The following LARGE1 variants were observed in gnomAD, a reference collection of about 807,000 sequenced individuals.
The protein encoded by LARGE1 is LARGE xylosyl- and glucuronyltransferase 1.
In LARGE1, 43 loss-of-function variants were observed where a neutral mutation model predicts 87.6. The ratio of observed to expected loss-of-function variants is 0.49; its 90% CI spans 0.38 to 0.63. The LOEUF (loss-of-function observed/expected upper bound fraction) is 0.63, where lower values mean the gene tolerates loss of function less well. Ranked by LOEUF, LARGE1 falls within the 30% of genes least tolerant of loss-of-function variation. The pLI is 0.00. For missense variants in LARGE1, 802 were observed against 1,000.2 expected (o/e 0.80, Z 2.67); for synonymous variants, 434 against 394.6 (o/e 1.10, Z -1.18).
At chr22:33,774,098 T>C (rs1043353383) in intron 1 of LARGE1, among the ~76,000 whole-genome samples, 6 of 151,426 alleles carry the variant, frequency 4.0e-5, no homozygotes, top group African/African-American at 1.5e-4. Context: ...GAGGGGCGGA[T>C]GGAAAAAAAC....
intron 1 of LARGE1, among the ~76,000 whole-genome samples, chr22:33,829,900 A>C (rs1465505566): frequency 2.0e-5 from 3 of 152,166 alleles, no homozygotes; most frequent in Non-Finnish European, 4.4e-5. Context: ...CCTAAGAAGA[A>C]ACCACCATTC....
the LARGE1 span, among the ~76,000 whole-genome samples, chr22:33,073,427 T>C: frequency 1.1e-4 from 16 of 152,316 alleles, no homozygotes; most frequent in African/African-American, 3.8e-4. Context: ...AAAGGAATTT[T>C]AAAGGAGTTT....
At chr22:33,708,794 T>C (rs1010064108) in intron 2 of LARGE1, among the ~76,000 whole-genome samples, 2 of 152,110 alleles carry the variant, frequency 1.3e-5, no homozygotes, top group South Asian at 4.1e-4. Context: ...AAAGTCGGGG[T>C]TTCACGATGT....
At chr22:33,440,635 A>G (rs2067431883) in intron 6 of LARGE1, among the ~76,000 whole-genome samples, 1 of 152,220 alleles carries the variant, frequency 6.6e-6, no homozygotes, top group South Asian at 2.1e-4. Flanking sequence ...TAAGTAGGAA[A>G]ACATATAATA....
At chr22:33,587,558 G>A (rs577035189) in intron 5 of LARGE1, among the ~76,000 whole-genome samples, 4 of 151,718 alleles carry the variant, frequency 2.6e-5, no homozygotes, top group African/African-American at 4.8e-5. Flanking sequence ...ATTTTTCTGC[G>A]AGTCTGTATT....
chr22:33,195,371 A>C (rs1416397162), intron 11 of LARGE1, among the ~76,000 whole-genome samples: 2 of 152,196 alleles, frequency 1.3e-5, no homozygotes, highest in Non-Finnish European at 2.9e-5. Context: ...CAATAATTGC[A>C]GAATACATAT....
In LARGE1 at chr22:33,690,670, GAA is replaced by G. The variant is rs10711509; in HGVS notation, c.107-40004_107-40003del. 4.5e-3 allele frequency among the ~76,000 whole-genome samples: 627 copies of G among 140,854 alleles called. 1 individual carries two copies. Among genetic ancestry groups the G allele is most frequent in the African/African-American group, 0.011 (415 of 38,092 alleles). 92.4% of individuals were successfully genotyped at this position (140,854 alleles called of 152,430 possible). On this transcript the variant is annotated intron_variant, in intron 2 of 14. Coordinates refer to ENST00000397394, the MANE Select transcript of LARGE1 (RefSeq NM_133642.5). ...AGAAGGCAAAGAGACCAGAGAAGAG[GAA>G]AAAAAAAAAAAAAGGAATGGTAAGA...
intron 1 of LARGE1, among the ~76,000 whole-genome samples, chr22:33,877,022 G>C (rs1293430500): frequency 6.6e-6 from 1 of 152,004 alleles, no homozygotes; most frequent in Non-Finnish European, 1.5e-5. Context: ...TGGTACCACT[G>C]TATTTGCAGA....
chr22:33,735,927 C>T (rs990869996), intron 2 of LARGE1, among the ~76,000 whole-genome samples: 14 of 152,296 alleles, frequency 9.2e-5, no homozygotes, highest in South Asian at 6.2e-4. Flanking sequence ...TTCCACGTAG[C>T]GTGTTTTCAA....
intron 6 of LARGE1, among the ~76,000 whole-genome samples, chr22:33,555,577 G>A (rs1379625061): frequency 6.6e-6 from 1 of 152,108 alleles, no homozygotes; most frequent in Non-Finnish European, 1.5e-5. Context: ...CAGCATTCCA[G>A]GTACAGGAAC....
At chr22:33,850,539 C>A (rs1047965990) in intron 1 of LARGE1, among the ~76,000 whole-genome samples, 1 of 152,142 alleles carries the variant, frequency 6.6e-6, no homozygotes, top group African/African-American at 2.4e-5. Context: ...ATCCAGTGTC[C>A]AGCATATAAC....
At chr22:33,556,513 A>G (rs188341132) in intron 6 of LARGE1, among the ~76,000 whole-genome samples, 2,684 of 98,068 alleles carry the variant, frequency 0.027, 70 homozygotes, top group African/African-American at 0.075. Context: ...GAAAGAAGGA[A>G]GGAAGGGAGG....
At chr22:33,778,519 G>A (rs1178155096) in intron 1 of LARGE1, among the ~76,000 whole-genome samples, 8 of 152,074 alleles carry the variant, frequency 5.3e-5, no homozygotes, top group Admixed American at 2.0e-4. Flanking sequence ...TCTGCTTTCT[G>A]CCTCTACAGA....
chr22:33,827,724 A>C (rs890939392), intron 1 of LARGE1, among the ~76,000 whole-genome samples: 4 of 146,334 alleles, frequency 2.7e-5, no homozygotes, highest in Non-Finnish European at 4.6e-5. Flanking sequence ...CCCGTCACGG[A>C]GACTGGGAAG....
At chr22:33,811,356 T>C (rs2086488027) in intron 1 of LARGE1, among the ~76,000 whole-genome samples, 7 of 152,150 alleles carry the variant, frequency 4.6e-5, no homozygotes. Flanking sequence ...ATGAACAAAC[T>C]AGGCTCCCTT....
intron 1 of LARGE1, among the ~76,000 whole-genome samples, chr22:33,864,421 A>G (rs901281171): frequency 1.3e-5 from 2 of 152,232 alleles, no homozygotes; most frequent in South Asian, 2.1e-4. Flanking sequence ...AACTTAAGAA[A>G]CCAATGCTGG....
intron 2 of LARGE1, among the ~76,000 whole-genome samples, chr22:33,760,503 C>T (rs1907863575): frequency 6.6e-6 from 1 of 152,326 alleles, no homozygotes; most frequent in South Asian, 2.1e-4. Flanking sequence ...CTTCCTCCAT[C>T]ACAACGCGCA....
intron 12 of LARGE1, among the ~76,000 whole-genome samples, chr22:33,300,209 T>C (rs5998859): frequency 0.17 from 25,842 of 152,104 alleles, 4,602 homozygotes; most frequent in African/African-American, 0.46. Context: ...CCTCCTCTAA[T>C]GCTAACATTT....
chr22:33,418,754 G>A lies in LARGE1; in HGVS notation c.892+13407C>T, dbSNP rs184306041. ...AGGGAAGAGGAGGGGCTGTGGATAC[G>A]GACAACTGGACAAAGCCAGCCCAGG... is the stretch of plus-strand genomic sequence containing the variant. On this transcript the variant is annotated intron_variant, in intron 7 of 14. Coordinates refer to ENST00000397394, the MANE Select transcript of LARGE1 (RefSeq NM_133642.5). 3.3e-5 allele frequency among the ~76,000 whole-genome samples: 5 copies of A among 152,254 alleles called. No homozygotes were observed. In the East Asian group the frequency reaches 7.7e-4, roughly 24 times the overall value.
Sources: allele counts gnomAD v4.1 joint callset (sites outside exome capture counted in the v4.1 genomes callset), GRCh38; gene constraint gnomAD v4.1.1; transcripts MANE v1.5; gene names NCBI Gene and HGNC (gene_info 2026-07-23, HGNC 2026-07-21).